TENM2: variants seen among roughly 807,000 people sequenced by gnomAD.
TENM2 encodes teneurin transmembrane protein 2.
TENM2 carries 52 observed loss-of-function variants against 245.2 expected under a neutral mutation model. The ratio of observed to expected loss-of-function variants is 0.21; its 90% confidence interval spans 0.17 to 0.27. The LOEUF (loss-of-function observed/expected upper bound fraction) is 0.27, where lower values mean the gene tolerates loss of function less well. Among genes scored for constraint, TENM2 ranks in the 10% least tolerant of loss-of-function variants. The pLI is 1.00. For synonymous variants in TENM2, 1,363 were observed against 1,438.9 expected, an observed-to-expected ratio of 0.95 and a Z score of 1.19; for missense variants, 3,046 against 3,666.8, an observed-to-expected ratio of 0.83 and a Z score of 4.37.
At chr5:167,688,948 T>C (rs1240847006) in intron 2 of TENM2, among the ~76,000 whole-genome samples, 1 of 152,226 alleles carries the variant, frequency 6.6e-6, no homozygotes, top group South Asian at 2.1e-4. Flanking sequence ...AGAACATTTT[T>C]TTTTCTTTTC....
chr5:167,920,864 A>G (rs1022974789), intron 3 of TENM2, among the ~76,000 whole-genome samples: 21 of 152,206 alleles, frequency 1.4e-4, no homozygotes, highest in African/African-American at 5.1e-4. Context: ...AATCAGCGAC[A>G]ATAAAAATGA....
intron 2 of TENM2, among the ~76,000 whole-genome samples, chr5:167,692,274 A>T (rs1189818560): frequency 3.3e-5 from 5 of 152,190 alleles, no homozygotes; most frequent in Non-Finnish European, 7.3e-5. Flanking sequence ...GGTCAAATGA[A>T]TTGGCCGAAG....
intron 2 of TENM2, among the ~76,000 whole-genome samples, chr5:167,710,644 C>G (rs1330353707): frequency 6.6e-6 from 1 of 152,112 alleles, no homozygotes; most frequent in African/African-American, 2.4e-5. Context: ...GGAAGTAAAA[C>G]TAGGAAAGCA....
intron 12 of TENM2, among the ~76,000 whole-genome samples, chr5:168,128,132 A>G (rs1795987480): frequency 6.6e-6 from 1 of 152,212 alleles, no homozygotes; most frequent in African/African-American, 2.4e-5. Flanking sequence ...GAGGGGCAGC[A>G]TGCCAATCAG....
At chr5:167,458,850 G>C (rs1766107180) in intron 2 of TENM2, among the ~76,000 whole-genome samples, 1 of 152,140 alleles carries the variant, frequency 6.6e-6, no homozygotes, top group East Asian at 1.9e-4. Flanking sequence ...GCACACTGTG[G>C]GTGAAAGCTG....
At chr5:167,916,549 G>A (rs1776952567) in intron 3 of TENM2, among the ~76,000 whole-genome samples, 1 of 151,942 alleles carries the variant, frequency 6.6e-6, no homozygotes, top group Non-Finnish European at 1.5e-5. Context: ...TATACTCTTA[G>A]CAACATTCCA....
At chr5:167,846,863 C>G (rs1770090310) in intron 2 of TENM2, among the ~76,000 whole-genome samples, 1 of 152,150 alleles carries the variant, frequency 6.6e-6, no homozygotes, top group Admixed American at 6.5e-5. Flanking sequence ...GAATCATATT[C>G]CAAAGATCGT....
chr5:167,703,530 C>CAAAAAAAAAAAAA (rs747603141), intron 2 of TENM2, among the ~76,000 whole-genome samples: 8 of 97,172 alleles, frequency 8.2e-5, no homozygotes, highest in African/African-American at 2.6e-4. Flanking sequence ...GAAACCATCT[C>CAAAAAAAAAAAAA]AAAAAAAAAA....
intron 2 of TENM2, among the ~76,000 whole-genome samples, chr5:167,750,472 A>G (rs1054098989): frequency 6.6e-6 from 1 of 152,112 alleles, no homozygotes; most frequent in African/African-American, 2.4e-5. Context: ...GTTGTGAGCC[A>G]TGTTATAAAG....
the TENM2 span, among the ~76,000 whole-genome samples, chr5:167,145,804 T>A: frequency 6.6e-6 from 1 of 152,202 alleles, no homozygotes; most frequent in Admixed American, 6.5e-5. Flanking sequence ...CAGTTTGAAT[T>A]TGATTTGTCC....
the TENM2 span, among the ~76,000 whole-genome samples, chr5:167,064,956 T>C: frequency 6.6e-6 from 1 of 152,208 alleles, no homozygotes; most frequent in Non-Finnish European, 1.5e-5. Context: ...TATTTTTTAA[T>C]ACAATAATTA....
intron 2 of TENM2, among the ~76,000 whole-genome samples, chr5:167,606,251 G>T (rs1777033089): frequency 6.6e-6 from 1 of 152,108 alleles, no homozygotes; most frequent in African/African-American, 2.4e-5. Flanking sequence ...TCATAGACTG[G>T]GTGGTTCAAA....
At chr5:167,790,103 A>C (rs1242069907) in intron 2 of TENM2, among the ~76,000 whole-genome samples, 1 of 152,174 alleles carries the variant, frequency 6.6e-6, no homozygotes, top group Non-Finnish European at 1.5e-5. Context: ...CAGACAAAAT[A>C]AAAAGCAGAC....
intron 2 of TENM2, among the ~76,000 whole-genome samples, chr5:167,511,664 T>A (rs938306747): frequency 2.6e-5 from 4 of 152,198 alleles, no homozygotes; most frequent in African/African-American, 9.7e-5. Context: ...CAGTCAATGG[T>A]CATGACTGCC....
chr5:167,057,610 A>T, the TENM2 span, among the ~76,000 whole-genome samples: 3 of 151,942 alleles, frequency 2.0e-5, no homozygotes, highest in African/African-American at 7.2e-5. Flanking sequence ...TAAAGTTGGT[A>T]TTTTCCCTTT....
chr5:167,142,927 C>T, the TENM2 span, among the ~76,000 whole-genome samples: 1 of 152,160 alleles, frequency 6.6e-6, no homozygotes, highest in African/African-American at 2.4e-5. Context: ...TTAACAGGAG[C>T]CCTGAAGCAT....
intron 1 of TENM2, among the ~76,000 whole-genome samples, chr5:167,359,241 C>G (rs1350823218): frequency 2.0e-5 from 3 of 152,108 alleles, no homozygotes; most frequent in Non-Finnish European, 2.9e-5. Context: ...CAGGACCCAA[C>G]TGTCTCCTTA....
chr5:167,020,941 C>G, the TENM2 span, among the ~76,000 whole-genome samples: 1 of 152,106 alleles, frequency 6.6e-6, no homozygotes, highest in Non-Finnish European at 1.5e-5. Flanking sequence ...CTTAGGAGTT[C>G]GAGTGCAGCC....
At chr5:168,239,170 G>A (rs951009641) in intron 25 of TENM2, among the ~76,000 whole-genome samples, 3 of 152,130 alleles carry the variant, frequency 2.0e-5, no homozygotes, top group East Asian at 1.9e-4. Flanking sequence ...CCAGCATCTC[G>A]CACCCACAGC....
Sources: allele counts gnomAD v4.1 joint callset (sites outside exome capture counted in the v4.1 genomes callset), GRCh38; gene constraint gnomAD v4.1.1; transcripts MANE v1.5; gene names NCBI Gene and HGNC (gene_info 2026-07-23, HGNC 2026-07-21).